The following ARB2A variants were observed in gnomAD, a reference collection of about 807,000 sequenced individuals.
ARB2A encodes the protein cotranscriptional regulator ARB2A.
chr5:94,104,960 A>T, the ARB2A span, among the ~76,000 whole-genome samples: 16 of 151,988 alleles, frequency 1.1e-4, no homozygotes, highest in African/African-American at 3.4e-4. Flanking sequence ...TGTGTTAAAA[A>T]TTTTCAACAA....
the ARB2A span, among the ~76,000 whole-genome samples, chr5:93,788,499 A>G: frequency 2.0e-5 from 3 of 152,278 alleles, no homozygotes; most frequent in South Asian, 6.2e-4. Flanking sequence ...AAGGTCCTCA[A>G]ATGATGTACC....
At chr5:93,676,172 G>T in the ARB2A span, among the ~76,000 whole-genome samples, 2 of 151,970 alleles carry the variant, frequency 1.3e-5, no homozygotes, top group Non-Finnish European at 2.9e-5. Context: ...GGAGAAGGGG[G>T]TCAAGAAAAC....
At chr5:93,843,858 G>T in the ARB2A span, among the ~76,000 whole-genome samples, 1 of 151,822 alleles carries the variant, frequency 6.6e-6, no homozygotes, top group Non-Finnish European at 1.5e-5. Context: ...GTTGTATAAT[G>T]AGAAAACAGA....
chr5:93,968,736 A>AT, the ARB2A span, among the ~76,000 whole-genome samples: 3 of 152,140 alleles, frequency 2.0e-5, no homozygotes, highest in African/African-American at 4.8e-5. Context: ...AGCTGGATAA[A>AT]TAAAACAAAG....
At chr5:93,906,386 G>A in the ARB2A span, among the ~76,000 whole-genome samples, 2 of 151,126 alleles carry the variant, frequency 1.3e-5, no homozygotes, top group Non-Finnish European at 3.0e-5. Context: ...TTTCATCTTG[G>A]CCATTTACTA....
the ARB2A span, among the ~76,000 whole-genome samples, chr5:94,084,232 C>A: frequency 7.5e-6 from 1 of 132,690 alleles, no homozygotes; most frequent in Non-Finnish European, 1.5e-5. Context: ...ACAGATTGCA[C>A]TACTGCGCTC....
chr5:93,722,766 G>C, the ARB2A span, among the ~76,000 whole-genome samples: 1 of 151,996 alleles, frequency 6.6e-6, no homozygotes, highest in Non-Finnish European at 1.5e-5. Flanking sequence ...TCCTTTAACT[G>C]CATTAGAATT....
chr5:93,972,579 C>A, the ARB2A span, among the ~76,000 whole-genome samples: 1 of 152,216 alleles, frequency 6.6e-6, no homozygotes, highest in Admixed American at 6.5e-5. Flanking sequence ...AATGATCCCA[C>A]TAGTTCCCCA....
chr5:93,870,733 G>C, the ARB2A span, among the ~76,000 whole-genome samples: 2 of 152,220 alleles, frequency 1.3e-5, no homozygotes, highest in African/African-American at 4.8e-5. Flanking sequence ...ACATAAGGGG[G>C]GGTGGAAGTG....
chr5:93,989,205 T>A, the ARB2A span, among the ~76,000 whole-genome samples: 1,741 of 152,192 alleles, frequency 0.011, 37 homozygotes, highest in African/African-American at 0.04. Context: ...AAATAAGATA[T>A]AAGACTATAA....
chr5:93,845,387 A>T, the ARB2A span, among the ~76,000 whole-genome samples: 1 of 152,208 alleles, frequency 6.6e-6, no homozygotes, highest in African/African-American at 2.4e-5. Flanking sequence ...CCTAGCAAGA[A>T]CCCTGGGAGA....
At chr5:93,635,459 G>GTTTTTTTTTTTTTTTTTTTTTTTTTTTTT in the ARB2A span, among the ~76,000 whole-genome samples, 4 of 128,920 alleles carry the variant, frequency 3.1e-5, no homozygotes, top group African/African-American at 1.3e-4. Flanking sequence ...TTATACGAAA[G>GTTTTTTTTTTTTTTTTTTTTTTTTTTTTT]TTTTTTTTTT....
chr5:93,782,913 T>TA, the ARB2A span, among the ~76,000 whole-genome samples: 1 of 152,122 alleles, frequency 6.6e-6, no homozygotes, highest in African/African-American at 2.4e-5. Context: ...TAAAATTTTA[T>TA]AAATTTTACA....
At chr5:94,077,972 T>C in the ARB2A span, among the ~76,000 whole-genome samples, 2 of 152,350 alleles carry the variant, frequency 1.3e-5, no homozygotes, top group South Asian at 4.1e-4. Context: ...ACTTGTCATG[T>C]GTAATCTTTA....
At chr5:93,752,991 A>C in the ARB2A span, among the ~76,000 whole-genome samples, 2 of 152,182 alleles carry the variant, frequency 1.3e-5, no homozygotes, top group African/African-American at 4.8e-5. Context: ...TCATGAAAAC[A>C]TCACTTAAAG....
At chr5:93,885,457 T>C in the ARB2A span, among the ~76,000 whole-genome samples, 1 of 151,598 alleles carries the variant, frequency 6.6e-6, no homozygotes, top group Admixed American at 6.6e-5. Context: ...TCTCTTATCT[T>C]TGAAAAGATA....
At chr5:93,646,450 A>G in the ARB2A span, among the ~76,000 whole-genome samples, 2 of 152,086 alleles carry the variant, frequency 1.3e-5, no homozygotes, top group Admixed American at 1.3e-4. Flanking sequence ...TATGGTAGCA[A>G]ACACACACAA....
At chr5:93,854,525 CTAGT>C in the ARB2A span, among the ~76,000 whole-genome samples, 1 of 152,068 alleles carries the variant, frequency 6.6e-6, no homozygotes, top group African/African-American at 2.4e-5. Context: ...TCTTGCTTTT[CTAGT>C]TATTTTAATT....
the ARB2A span, among the ~76,000 whole-genome samples, chr5:93,936,032 CTT>C: frequency 2.0e-5 from 3 of 152,034 alleles, no homozygotes; most frequent in Admixed American, 6.5e-5. Context: ...AGTGAATAGA[CTT>C]TGAGTATTTT....
Sources: gnomAD v4.1 joint callset for allele counts (sites outside exome capture counted in the v4.1 genomes callset) on GRCh38, gnomAD v4.1.1 for gene constraint, MANE v1.5 for transcripts, NCBI Gene and HGNC (gene_info 2026-07-23, HGNC 2026-07-21) for gene names.